ATP9A: variants seen among roughly 807,000 people sequenced by gnomAD.
ATP9A encodes probable phospholipid-transporting ATPase IIA.
ATP9A carries 52 observed loss-of-function variants against 144.1 expected under a neutral mutation model. The ratio of observed to expected loss-of-function variants is 0.36; its 90% CI spans 0.29 to 0.45. The LOEUF (loss-of-function observed/expected upper bound fraction) is 0.45, where lower values mean the gene tolerates loss of function less well. Ranked by LOEUF, ATP9A falls within the 20% of genes least tolerant of loss-of-function variation. ATP9A has a pLI of 1.00. For missense variants in ATP9A, 947 were observed against 1,392.7 expected (o/e 0.68, Z 5.09); for synonymous variants, 582 against 557.4 (o/e 1.04, Z -0.62).
At chr20:51,678,829 A>G (rs1437117760) in intron 9 of ATP9A, among the ~76,000 whole-genome samples, 1 of 152,164 alleles carries the variant, frequency 6.6e-6, no homozygotes, top group Non-Finnish European at 1.5e-5. Context: ...ATGCTGCTGA[A>G]AATGGCCTTT....
At position 51,639,324 on chromosome 20, in the gene ATP9A, A is replaced by G. The variant is rs1366875254; in HGVS notation, c.1668+19T>C. On this transcript the variant is annotated intron_variant, in intron 15 of 27. Coordinates refer to ENST00000338821, the MANE Select transcript of ATP9A (RefSeq NM_006045.3). ...CTGGGGTACTTAAGCACTTTAAGCC[A>G]TGAATAAAAACGACTCACCCGCACG... 6.2e-7 allele frequency: 1 copy of G among 1,604,376 alleles called. No individual in the cohort carries two copies. Among genetic ancestry groups the G allele is most frequent in the East Asian group, 2.2e-5 (1 of 44,690 alleles).
At chr20:51,653,804 G>A (rs747170561) in intron 14 of ATP9A, among the ~76,000 whole-genome samples, 3 of 151,664 alleles carry the variant, frequency 2.0e-5, no homozygotes, top group South Asian at 4.2e-4. Flanking sequence ...GGTGGCTCAC[G>A]CCTGTAGTCC....
chr20:51,597,403 G>A lies in ATP9A; in HGVS notation c.*3808C>T, dbSNP rs1318869339. On this transcript the variant is annotated 3_prime_UTR_variant, in exon 28 of 28. Coordinates refer to ENST00000338821, the MANE Select transcript of ATP9A (RefSeq NM_006045.3). ...AAAAGAAGGGGGAGAAATAAAATGT[G>A]TTGTATTTACAAAGCTCTTTGTATA... is the stretch of plus-strand genomic sequence containing the variant. 1 of 152,162 alleles carries A rather than the reference G, an allele frequency of 6.6e-6. No individual in the cohort carries two copies. The highest frequency in any genetic ancestry group is 1.5e-5 in the Non-Finnish European group (1 of 68,040). The allele number at this position is 152,162 out of a possible 1,614,324, so 9.4% of individuals were successfully genotyped here.
chr20:51,753,992 C>T (rs2077844990), intron 1 of ATP9A, among the ~76,000 whole-genome samples: 1 of 151,618 alleles, frequency 6.6e-6, no homozygotes, highest in African/African-American at 2.4e-5. Context: ...TTTTTTTTTA[C>T]ATAGATATGT....
chr20:51,627,692 T>A lies in ATP9A; in HGVS notation c.1762-9A>T. On this transcript the variant is annotated splice_polypyrimidine_tract_variant and intron_variant, in intron 16 of 27. Coordinates refer to ENST00000338821, the MANE Select transcript of ATP9A (RefSeq NM_006045.3). ...CGGGCCATGTTGCCACACTGAAAAA[T>A]AGACCACGGTCGAGTGGGAGCGGTG... 6.2e-7 allele frequency: 1 copy of A among 1,613,442 alleles called. No individual in the cohort carries two copies. The highest frequency in any genetic ancestry group is 8.5e-7 in the Non-Finnish European group (1 of 1,179,538).
At chr20:51,751,321 G>A (rs2077831189) in intron 1 of ATP9A, among the ~76,000 whole-genome samples, 1 of 142,910 alleles carries the variant, frequency 7.0e-6, no homozygotes, top group Non-Finnish European at 1.5e-5. Context: ...GTGCAGTGAC[G>A]CGATCATGGC....
At chr20:51,624,207 A>G (rs539520929) in intron 18 of ATP9A, among the ~76,000 whole-genome samples, 6 of 152,342 alleles carry the variant, frequency 3.9e-5, no homozygotes, top group African/African-American at 1.4e-4. Context: ...GGAAACAGGC[A>G]CGCAGGGGTG....
intron 26 of ATP9A, among the ~76,000 whole-genome samples, chr20:51,606,032 G>A (rs1203881789): frequency 2.0e-5 from 3 of 152,204 alleles, no homozygotes; most frequent in Non-Finnish European, 4.4e-5. Flanking sequence ...CACTTTGGGA[G>A]GCCAAGGTGG....
intron 3 of ATP9A, among the ~76,000 whole-genome samples, chr20:51,718,103 G>A (rs1253347890): frequency 2.0e-5 from 3 of 152,214 alleles, no homozygotes; most frequent in East Asian, 3.8e-4. Context: ...ATGGATAAGG[G>A]GAGGCGGCAG....
Position 51,638,071 on chromosome 20 carries a change from T to TATATATATATATA in ATP9A, c.1668+1271_1668+1272insTATATATATATAT, listed in dbSNP as rs58144454. 7.6e-4 allele frequency among the ~76,000 whole-genome samples: 26 copies of TATATATATATATA among 34,188 alleles called. 4 individuals are homozygous for TATATATATATATA. Among genetic ancestry groups the TATATATATATATA allele is most frequent in the Admixed American group, 9.5e-4 (2 of 2,102 alleles). The allele number at this position is 34,188 out of a possible 152,430, so 22.4% of individuals were successfully genotyped here. ...CATGGCTAAGTAGCATTTCATCATT[T>TATATATATATATA]TATATATATATATATATATATATAT... On this transcript the variant is annotated intron_variant, in intron 15 of 27. Coordinates refer to ENST00000338821, the MANE Select transcript of ATP9A (RefSeq NM_006045.3).
chr20:51,736,155 G>A (rs1210515622), intron 1 of ATP9A, among the ~76,000 whole-genome samples: 4 of 152,256 alleles, frequency 2.6e-5, no homozygotes, highest in Non-Finnish European at 4.4e-5. Flanking sequence ...AGATCCGGAG[G>A]TGGGAGGCAG....
intron 3 of ATP9A, among the ~76,000 whole-genome samples, chr20:51,720,763 G>A (rs888097974): frequency 4.6e-5 from 7 of 152,200 alleles, no homozygotes; most frequent in Admixed American, 3.9e-4. Flanking sequence ...GAACCCGGGA[G>A]GTGATGGCTA....
rs932396753 is a variant in ATP9A, at chr20:51,766,841, A to G, written c.68+1461T>C. Among the ~76,000 whole-genome samples the G allele has an allele frequency of 1.1e-4, 16 of 152,114 alleles. 1 individual carries two copies. The highest frequency in any genetic ancestry group is 3.9e-4 in the African/African-American group (16 of 41,470). ...GGCAACAGAGGGAGACTCCGTCTCA[A>G]TAATAATAATAATACTAATAATAAT... On this transcript the variant is annotated intron_variant, in intron 1 of 27. Coordinates refer to ENST00000338821, the MANE Select transcript of ATP9A (RefSeq NM_006045.3).
intron 2 of ATP9A, among the ~76,000 whole-genome samples, chr20:51,728,206 A>T (rs1157181738): frequency 6.6e-6 from 1 of 152,302 alleles, no homozygotes; most frequent in Middle Eastern, 3.4e-3. Context: ...TACCCAGGAA[A>T]TGGAGGAGTG....
In ATP9A at chr20:51,657,030, C is replaced by T. The variant is rs144028992; in HGVS notation, c.1414G>A (p.Val472Met). Reference sequence around the variant, plus strand: ...TCAGTCACACCGTTGGACTCATACACGGGAGTCACGTTGTGGCAGAGCGCG... The same window carrying T: ...TCAGTCACACCGTTGGACTCATACATGGGAGTCACGTTGTGGCAGAGCGCG... Reference protein sequence around the residue: ...AIALCHNVTPVYESNGVTDQA... With the variant: ...AIALCHNVTPMYESNGVTDQA... The change falls in exon 14 of 28, where the codon GTG becomes ATG. Residue 472 changes from valine to methionine, a missense_variant. Transcript: ENST00000338821. 68 of 1,614,062 alleles carry T rather than the reference C, an allele frequency of 4.2e-5. No homozygotes were observed. The highest frequency in any genetic ancestry group is 5.3e-5 in the Non-Finnish European group (62 of 1,180,050).
intron 14 of ATP9A, among the ~76,000 whole-genome samples, chr20:51,649,731 A>G (rs972910587): frequency 2.6e-5 from 4 of 152,100 alleles, no homozygotes; most frequent in Admixed American, 1.3e-4. Context: ...CCTGGCCAAC[A>G]TGGTGAAACC....
chr20:51,747,098 G>GC (rs74175578), intron 1 of ATP9A, among the ~76,000 whole-genome samples: 1 of 138,692 alleles, frequency 7.2e-6, no homozygotes, highest in Non-Finnish European at 1.5e-5. Context: ...TGGGTTTTTC[G>GC]TTTTTTTTTT....
At position 51,600,409 on chromosome 20, in the gene ATP9A, T is replaced by C. The variant is rs1035233261; in HGVS notation, c.*802A>G. ...ACAACTCTGCTGAAAATGTCTGAGG[T>C]CCTTCTCAAACAGCCACTGGCTTTG... On this transcript the variant is annotated 3_prime_UTR_variant, in exon 28 of 28. Transcript: ENST00000338821. 2.6e-5 allele frequency: 4 copies of C among 152,088 alleles called. No homozygotes were observed. Among genetic ancestry groups the C allele is most frequent in the African/African-American group, 9.7e-5 (4 of 41,404 alleles). The allele number at this position is 152,088 out of a possible 1,614,324, so 9.4% of individuals were successfully genotyped here. A position where few individuals can be genotyped will look rare whatever the true frequency, so the allele number is the denominator to read the frequency against.
In ATP9A at chr20:51,629,137, G is replaced by A. The variant is rs538092799; in HGVS notation, c.1669-65C>T. 47 of 1,327,058 alleles carry A rather than the reference G, an allele frequency of 3.5e-5. No individual in the cohort carries two copies. The East Asian group carries it at 4.8e-4, about 14-fold the overall frequency. 82.2% of individuals were successfully genotyped at this position (1,327,058 alleles called of 1,614,324 possible). On this transcript the variant is annotated intron_variant, in intron 15 of 27. Coordinates refer to ENST00000338821, the MANE Select transcript of ATP9A (RefSeq NM_006045.3). ...ACACCCTCTTTCAGCGGCAAAGCCC[G>A]CTTCCCATGACAGACAGTGTACAAA...
Sources: allele counts gnomAD v4.1 joint callset (sites outside exome capture counted in the v4.1 genomes callset), GRCh38; gene constraint gnomAD v4.1.1; transcripts MANE v1.5; gene names NCBI Gene and HGNC (gene_info 2026-07-23, HGNC 2026-07-21).